SUPT3H: variants seen among roughly 807,000 people sequenced by gnomAD.
The protein encoded by SUPT3H is SPT3 homolog, SAGA and STAGA complex component.
In SUPT3H, 44 loss-of-function variants were observed where a neutral mutation model predicts 44.3. That is an observed-to-expected ratio of 0.99 (90% CI 0.78 to 1.28). The LOEUF is 1.28. Ranked by LOEUF, SUPT3H falls within the 50% of genes most tolerant of loss-of-function variation. SUPT3H has a pLI of 0.00. For missense variants in SUPT3H, 380 were observed against 387.1 expected (o/e 0.98, Z 0.15); for synonymous variants, 124 against 125.6 (o/e 0.99, Z 0.09).
intron 10 of SUPT3H, among the ~76,000 whole-genome samples, chr6:44,889,937 C>T (rs1346569610): frequency 1.3e-5 from 2 of 151,198 alleles, no homozygotes; most frequent in Non-Finnish European, 1.5e-5. Context: ...ACAACCCCAT[C>T]AAAAAGTGGG....
rs116053161 is a variant in SUPT3H, at chr6:45,326,199, A to G, written c.101+39002T>C. On this transcript the variant is annotated intron_variant, in intron 2 of 10. Coordinates refer to ENST00000371459, the MANE Select transcript of SUPT3H (RefSeq NM_003599.4). ...GAAAATAGCAAAATGTTGGGTTTGTAAGATGTTTCAGTGAATGCTAATGTA... is the reference window on the plus strand; with the variant it reads ...GAAAATAGCAAAATGTTGGGTTTGTGAGATGTTTCAGTGAATGCTAATGTA... 5.2e-3 allele frequency among the ~76,000 whole-genome samples: 798 copies of G among 152,030 alleles called. 5 individuals carry two copies. The highest frequency in any genetic ancestry group is 0.018 in the African/African-American group (745 of 41,536).
intron 10 of SUPT3H, among the ~76,000 whole-genome samples, chr6:44,886,312 T>C (rs1002146284): frequency 1.3e-5 from 2 of 151,834 alleles, no homozygotes; most frequent in Admixed American, 6.6e-5. Flanking sequence ...AGACACATAA[T>C]TGTCAGATTC....
At chr6:45,195,703 AT>A (rs1361703279) in intron 2 of SUPT3H, among the ~76,000 whole-genome samples, 1 of 152,160 alleles carries the variant, frequency 6.6e-6, no homozygotes, top group Non-Finnish European at 1.5e-5. Flanking sequence ...TGCTATCTAG[AT>A]TTTTATATTT....
chr6:45,044,092 T>TA (rs1193275440), intron 3 of SUPT3H, among the ~76,000 whole-genome samples: 1 of 152,168 alleles, frequency 6.6e-6, no homozygotes, highest in African/African-American at 2.4e-5. Flanking sequence ...CCTAAACATC[T>TA]AAAATGCTAA....
intron 10 of SUPT3H, among the ~76,000 whole-genome samples, chr6:44,889,447 A>G (rs538092586): frequency 6.6e-6 from 1 of 152,316 alleles, no homozygotes; most frequent in African/African-American, 2.4e-5. Context: ...GAGCCCTCAG[A>G]AATAACACCG....
At chr6:45,076,725 C>G (rs1019722477) in intron 3 of SUPT3H, among the ~76,000 whole-genome samples, 1 of 152,144 alleles carries the variant, frequency 6.6e-6, no homozygotes, top group African/African-American at 2.4e-5. Flanking sequence ...TAAGTTGCAG[C>G]CTACTGAGTA....
intron 2 of SUPT3H, among the ~76,000 whole-genome samples, chr6:45,127,131 T>C (rs764655365): frequency 3.3e-5 from 5 of 152,120 alleles, no homozygotes; most frequent in Non-Finnish European, 5.9e-5. Context: ...CTGACCAACA[T>C]GGTGAAACCC....
chr6:44,998,367 ACACT>A (rs1360066078), intron 6 of SUPT3H, among the ~76,000 whole-genome samples: 1 of 151,950 alleles, frequency 6.6e-6, no homozygotes, highest in Non-Finnish European at 1.5e-5. Flanking sequence ...TCTTAGAAAA[ACACT>A]CATTCATCAA....
At chr6:45,364,073 C>T (rs1191567647) in intron 2 of SUPT3H, among the ~76,000 whole-genome samples, 4 of 151,228 alleles carry the variant, frequency 2.6e-5, no homozygotes, top group Non-Finnish European at 4.4e-5. Flanking sequence ...CAAGATTGTG[C>T]CACTGCACTA....
At chr6:45,075,598 G>A (rs1794909515) in intron 3 of SUPT3H, among the ~76,000 whole-genome samples, 1 of 152,064 alleles carries the variant, frequency 6.6e-6, no homozygotes, top group Non-Finnish European at 1.5e-5. Flanking sequence ...CCTCAATACT[G>A]TTGTTACAGA....
chr6:45,017,171 T>C (rs1489743665), intron 4 of SUPT3H, among the ~76,000 whole-genome samples: 6 of 151,710 alleles, frequency 4.0e-5, no homozygotes, highest in East Asian at 3.9e-4. Flanking sequence ...TCATATCCTT[T>C]GCCCACTTTT....
intron 2 of SUPT3H, among the ~76,000 whole-genome samples, chr6:45,256,694 AAT>A (rs1448092222): frequency 6.6e-6 from 1 of 152,182 alleles, no homozygotes; most frequent in Non-Finnish European, 1.5e-5. Flanking sequence ...GTAGTAAAAT[AAT>A]ATAGTGACTG....
At chr6:45,111,956 T>C (rs532522051) in intron 2 of SUPT3H, among the ~76,000 whole-genome samples, 94 of 151,792 alleles carry the variant, frequency 6.2e-4, no homozygotes, top group Middle Eastern at 6.8e-3. Flanking sequence ...AGCTACAAAG[T>C]AGGAAAAGTC....
intron 10 of SUPT3H, among the ~76,000 whole-genome samples, chr6:44,880,702 G>A (rs1164056248): frequency 6.6e-6 from 1 of 152,148 alleles, no homozygotes; most frequent in African/African-American, 2.4e-5. Context: ...CCGACAAAGG[G>A]AAGCCCATCA....
intron 2 of SUPT3H, among the ~76,000 whole-genome samples, chr6:45,344,363 A>C (rs1269582339): frequency 6.6e-6 from 1 of 151,676 alleles, no homozygotes; most frequent in Non-Finnish European, 1.5e-5. Flanking sequence ...CTTAAAACTG[A>C]CTTGCCCTTA....
intron 2 of SUPT3H, among the ~76,000 whole-genome samples, chr6:45,319,307 G>A (rs545948069): frequency 2.0e-5 from 3 of 152,094 alleles, no homozygotes; most frequent in Non-Finnish European, 4.4e-5. Context: ...ATAAATGAGG[G>A]CAAACAGGCA....
intron 2 of SUPT3H, among the ~76,000 whole-genome samples, chr6:45,282,377 A>AAC (rs1415050236): frequency 7.2e-5 from 11 of 152,328 alleles, no homozygotes; most frequent in African/African-American, 2.6e-4. Flanking sequence ...TAACCAATGC[A>AAC]GAGAAGTCCT....
At chr6:45,106,399 T>C (rs1433619006) in intron 2 of SUPT3H, among the ~76,000 whole-genome samples, 4 of 151,936 alleles carry the variant, frequency 2.6e-5, no homozygotes, top group Admixed American at 6.6e-5. Flanking sequence ...GCCACCATAC[T>C]CCATCATGGG....
chr6:45,337,796 A>C (rs967103666), intron 2 of SUPT3H, among the ~76,000 whole-genome samples: 1 of 152,002 alleles, frequency 6.6e-6, no homozygotes, highest in Non-Finnish European at 1.5e-5. Flanking sequence ...TATTTGAAAC[A>C]AATATTAAAT....
Sources: gnomAD v4.1 joint callset for allele counts (sites outside exome capture counted in the v4.1 genomes callset) on GRCh38, gnomAD v4.1.1 for gene constraint, MANE v1.5 for transcripts, NCBI Gene and HGNC (gene_info 2026-07-23, HGNC 2026-07-21) for gene names.